Variants in USP32 observed in about 807,000 individuals in gnomAD.
The protein encoded by USP32 is ubiquitin specific peptidase 32.
In USP32, 59 loss-of-function variants were observed where a neutral mutation model predicts 204.8. That is an observed-to-expected ratio of 0.29 (90% CI 0.23 to 0.36). The LOEUF is 0.36. Among genes scored for constraint, USP32 ranks in the 10% least tolerant of loss-of-function variants. The pLI, the probability that USP32 is intolerant of heterozygous loss-of-function variation, is 1.00. For synonymous variants in USP32, 517 were observed against 678.4 expected (o/e 0.76, Z 3.70); for missense variants, 1,160 against 1,946.4 (o/e 0.60, Z 7.60).
rs114551517 is a variant in USP32, at chr17:60,391,486, G to A, written c.58+396C>T. 5.5e-3 allele frequency among the ~76,000 whole-genome samples: 834 copies of A among 152,218 alleles called. 10 individuals are homozygous for A. Among genetic ancestry groups the A allele is most frequent in the African/African-American group, 0.019 (790 of 41,518 alleles). On this transcript the variant is annotated intron_variant, in intron 1 of 33. Transcript: ENST00000300896. ...TCCAGCTAAGGCTGTTAGGAACGAG[G>A]TTAGGATGTTATTTGAGGTTTTTAT...
At chr17:60,337,669 G>C (rs547145979) in intron 2 of USP32, among the ~76,000 whole-genome samples, 1 of 152,082 alleles carries the variant, frequency 6.6e-6, no homozygotes, top group Non-Finnish European at 1.5e-5. Context: ...TTGAGCCTAA[G>C]AGTTTGTGAC....
intron 1 of USP32, among the ~76,000 whole-genome samples, chr17:60,368,305 G>A (rs1182453862): frequency 6.6e-6 from 1 of 152,062 alleles, no homozygotes; most frequent in Non-Finnish European, 1.5e-5. Context: ...ATTTTTTAAC[G>A]CAATAGAATG....
At chr17:60,260,587 A>T (rs1467493617) in intron 9 of USP32, among the ~76,000 whole-genome samples, 1 of 151,974 alleles carries the variant, frequency 6.6e-6, no homozygotes, top group African/African-American at 2.4e-5. Flanking sequence ...GAGGATAAAA[A>T]GACTAAGTTA....
At chr17:60,421,841 G>A in intron 1 of USP32, 1 of 984,894 alleles carries the variant, frequency 1.0e-6, no homozygotes, top group Non-Finnish European at 1.2e-6. Context: ...CTCCCCGCCT[G>A]GTGGCTGCGC....
intron 2 of USP32, among the ~76,000 whole-genome samples, chr17:60,320,947 C>T (rs2088097876): frequency 6.6e-6 from 1 of 152,132 alleles, no homozygotes; most frequent in South Asian, 2.1e-4. Flanking sequence ...GACAAATTCT[C>T]ATTGCTTTTT....
At position 60,392,079 on chromosome 17, in the gene USP32, C is replaced by G. The variant is rs1036972021; in HGVS notation, c.-140G>C. On this transcript the variant is annotated 5_prime_UTR_variant, in exon 1 of 34. Transcript: ENST00000300896. ...CCTCCCCCCACACTAACAAGTGCGGCTTCTGCCCCGGCGGCTCCTCCCGGT... is the reference window on the plus strand; with the variant it reads ...CCTCCCCCCACACTAACAAGTGCGGGTTCTGCCCCGGCGGCTCCTCCCGGT... 17 of 954,084 alleles carry G rather than the reference C, an allele frequency of 1.8e-5. No individual in the cohort carries two copies. Among genetic ancestry groups the G allele is most frequent in the Admixed American group, 3.0e-5 (1 of 33,140 alleles). The allele number at this position is 954,084 out of a possible 1,614,324, so 59.1% of individuals were successfully genotyped here.
chr17:60,416,425 G>A (rs2090062645), intron 1 of USP32, among the ~76,000 whole-genome samples: 1 of 152,056 alleles, frequency 6.6e-6, no homozygotes, highest in African/African-American at 2.4e-5. Flanking sequence ...CATAAAGAGG[G>A]GGGTGGGCAA....
chr17:60,375,852 C>T (rs2089529983), intron 1 of USP32, among the ~76,000 whole-genome samples: 1 of 152,108 alleles, frequency 6.6e-6, no homozygotes. Flanking sequence ...AGGTGATCTG[C>T]CTGTCTCAGC....
intron 33 of USP32, 104 bp from the exon 34 acceptor site, chr17:60,179,532 T>G (rs2084046268): frequency 7.0e-7 from 1 of 1,434,714 alleles, no homozygotes; most frequent in African/African-American, 1.4e-5. Context: ...TAAACCTGAT[T>G]GCTTCCAATA....
In USP32 at chr17:60,364,445, T is replaced by C. The variant is rs568957822; in HGVS notation, c.59-18837A>G. 6.6e-5 allele frequency among the ~76,000 whole-genome samples: 10 copies of C among 152,304 alleles called. No individual in the cohort carries two copies. In the East Asian group the frequency reaches 1.9e-3, roughly 29 times the overall value. Reference sequence around the variant, plus strand: ...CCCAGGCTAGAGTGCGGTGGCGCGATGTCCACTCACCGCAACCTTTGCCTC... The same window carrying C: ...CCCAGGCTAGAGTGCGGTGGCGCGACGTCCACTCACCGCAACCTTTGCCTC... On this transcript the variant is annotated intron_variant, in intron 1 of 33. Coordinates refer to ENST00000300896, the MANE Select transcript of USP32 (RefSeq NM_032582.4).
chr17:60,422,342 C>G (rs1164631955), exon 1 of USP32: 4 of 911,888 alleles, frequency 4.4e-6, no homozygotes, highest in African/African-American at 1.7e-5. Flanking sequence ...CTTCGCTCGA[C>G]CCCGCACATC....
chr17:60,389,385 T>C (rs1472433422), intron 1 of USP32, among the ~76,000 whole-genome samples: 1 of 151,716 alleles, frequency 6.6e-6, no homozygotes, highest in Non-Finnish European at 1.5e-5. Flanking sequence ...CTACTAAAAA[T>C]ACAAAAAATA....
intron 1 of USP32, among the ~76,000 whole-genome samples, chr17:60,364,513 C>CAG (rs984391271): frequency 3.1e-4 from 47 of 152,090 alleles, no homozygotes; most frequent in African/African-American, 1.1e-3. Flanking sequence ...CCAAGTAGCT[C>CAG]AGATAGGTGC....
At chr17:60,187,961 G>A (rs1435481210) in intron 29 of USP32, among the ~76,000 whole-genome samples, 1 of 151,998 alleles carries the variant, frequency 6.6e-6, no homozygotes, top group Non-Finnish European at 1.5e-5. Flanking sequence ...AATTTGTCTA[G>A]CTTAATTTTC....
Position 60,345,506 on chromosome 17 carries a change from T to A in USP32, c.161A>T (p.Asp54Val), listed in dbSNP as rs141734673. 123 of 1,614,160 alleles carry A rather than the reference T, an allele frequency of 7.6e-5. No individual in the cohort carries two copies. The highest frequency in any genetic ancestry group is 9.8e-5 in the Non-Finnish European group (116 of 1,180,020). ...CTCAGCAACCTTTGGAGGCACTCCA[T>A]CCCCAAGCACTTCCCGGATGAAGCA... is the stretch of plus-strand genomic sequence containing the variant. ...QHCFIREVLG[D>V]GVPPKVAEVI... Residue 54 changes from aspartate to valine, a missense_variant, in exon 2 of 34, where the codon GAT (aspartate) becomes GTT (valine). Around this residue, in one of 8 missense-constraint regions of USP32, gnomAD observed 536 missense variants for 680.9 expected, o/e 0.79. Transcript: ENST00000300896.
At chr17:60,338,822 C>T (rs936144703) in intron 2 of USP32, among the ~76,000 whole-genome samples, 18 of 152,060 alleles carry the variant, frequency 1.2e-4, no homozygotes, top group African/African-American at 2.7e-4. Context: ...TTTCTCAATC[C>T]CCTCAAATTC....
chr17:60,298,679 G>A (rs945762881), intron 3 of USP32, among the ~76,000 whole-genome samples: 3 of 151,728 alleles, frequency 2.0e-5, no homozygotes, highest in Non-Finnish European at 4.4e-5. Context: ...TGCTGCCTGG[G>A]GCCAATTTAT....
chr17:60,290,289 C>T (rs896312419), intron 4 of USP32, among the ~76,000 whole-genome samples: 3 of 152,172 alleles, frequency 2.0e-5, no homozygotes, highest in African/African-American at 7.2e-5. Flanking sequence ...AGAAAACTCC[C>T]AACCTTCTCT....
chr17:60,373,404 A>T (rs1156361825), intron 1 of USP32, among the ~76,000 whole-genome samples: 1 of 150,444 alleles, frequency 6.6e-6, no homozygotes, highest in African/African-American at 2.4e-5. Context: ...AAATTTACTA[A>T]TTTTTTCTTC....
Sources: allele counts gnomAD v4.1 joint callset (sites outside exome capture counted in the v4.1 genomes callset), GRCh38; gene constraint gnomAD v4.1.1; regional missense constraint gnomAD v4.1.1; transcripts MANE v1.5; gene names NCBI Gene and HGNC (gene_info 2026-07-23, HGNC 2026-07-21).